CCDC61: variants seen among roughly 807,000 people sequenced by gnomAD.
CCDC61 encodes the protein centrosomal protein CCDC61.
Under a neutral mutation model 63.0 loss-of-function variants are expected in CCDC61, and 55 were observed. The observed-to-expected ratio is 0.87, with a 90% CI of 0.70 to 1.09. The LOEUF (loss-of-function observed/expected upper bound fraction) is 1.09, where lower values mean the gene tolerates loss of function less well. Among genes scored for constraint, CCDC61 ranks in the 50% least tolerant of loss-of-function variants. CCDC61 has a pLI of 0.00. For synonymous variants in CCDC61, 270 were observed against 317.0 expected (o/e 0.85, Z 1.58); for missense variants, 651 against 731.4 (o/e 0.89, Z 1.27).
In CCDC61 at chr19:46,006,529, G is replaced by A. The variant is rs1235552897; in HGVS notation, c.232-30G>A. 12 of 1,471,870 alleles carry A rather than the reference G, an allele frequency of 8.2e-6. No individual in the cohort carries two copies. In the East Asian group the frequency reaches 2.5e-4, roughly 31 times the overall value. 91.2% of individuals were successfully genotyped at this position (1,471,870 alleles called of 1,614,324 possible). A position where few individuals can be genotyped will look rare whatever the true frequency, so the allele number is the denominator to read the frequency against. On this transcript the variant is annotated intron_variant, in intron 3 of 13. Coordinates refer to ENST00000595358, the MANE Select transcript of CCDC61 (RefSeq NM_001267723.2). ...CCTCCGTGTGGCAGTGGCGGGTGCT[G>A]TGGCAGCTCCTCCTCTCCTCTCCTG...
At position 46,015,013 on chromosome 19, in the gene CCDC61, CCT is replaced by C. The variant is rs1268079020; in HGVS notation, c.552-28_552-27del. The C allele has an allele frequency of 4.1e-6, 6 of 1,473,742 alleles. No homozygotes were observed. Among genetic ancestry groups the C allele is most frequent in the Non-Finnish European group, 5.4e-6 (6 of 1,110,644 alleles). The allele number at this position is 1,473,742 out of a possible 1,614,324, so 91.3% of individuals were successfully genotyped here. The stretch of plus-strand genomic sequence containing the variant: ...ATGGAGTAGTGGGAATGGGGCCATG[CCT>C]CTCTCTCCAGCGCTCTCTCCGCGTC... On this transcript the variant is annotated intron_variant, in intron 5 of 13. Transcript: ENST00000595358. The surrounding 1 kb of genome is among the most constrained non-coding windows in gnomAD (Gnocchi z 5.3).
intron 5 of CCDC61, among the ~76,000 whole-genome samples, chr19:46,013,893 C>T (rs1406896850): frequency 1.3e-5 from 2 of 151,674 alleles, no homozygotes; most frequent in Admixed American, 6.6e-5. Flanking sequence ...GATTTCTTTG[C>T]AGTTCTTTTT....
Position 46,016,712 on chromosome 19 carries a change from C to A in CCDC61, c.1110C>A (p.Arg370=), listed in dbSNP as rs763896331. The part of the protein sequence containing the change: ...EIQMKQQQRN[R]LGSGGSGDGP... ...TTCCCAGGCAGCAGCAGCGGAACCG[C>A]TTAGGCAGTGGGGGAAGCGGGGACG... is the stretch of plus-strand genomic sequence containing the variant. Residue 370 remains arginine (R), a synonymous_variant, in exon 10 of 14, where the codon CGC becomes CGA. Coordinates refer to ENST00000595358, the MANE Select transcript of CCDC61 (RefSeq NM_001267723.2). The surrounding 1 kb of genome is among the most constrained non-coding windows in gnomAD (Gnocchi z 7.2). 1.4e-5 allele frequency: 22 copies of A among 1,611,746 alleles called. No homozygotes were observed. In the East Asian group the frequency reaches 4.2e-4, roughly 31 times the overall value.
Position 46,015,476 on chromosome 19 carries a change from G to A in CCDC61, c.845+49G>A, listed in dbSNP as rs766820479. 4.5e-6 allele frequency: 7 copies of A among 1,547,996 alleles called. No individual in the cohort carries two copies. In the Admixed American group the frequency reaches 1.2e-4, roughly 27 times the overall value. On this transcript the variant is annotated intron_variant, in intron 7 of 13. Transcript: ENST00000595358. The surrounding 1 kb of genome is among the most constrained non-coding windows in gnomAD (Gnocchi z 5.3). ...CCTGGGCGGATGGGCGGGCCCTGAG[G>A]GTGTGGAGGCTGATGAGGCGGAGCC...
Position 46,018,520 on chromosome 19 carries a change from C to T in CCDC61, c.*133C>T. ...GTCCCTCCTGCTGCCCCTGGGGTCTCAGGTGTGTGAGGCCCTGACCCTGCC... is the reference window on the plus strand; with the variant it reads ...GTCCCTCCTGCTGCCCCTGGGGTCTTAGGTGTGTGAGGCCCTGACCCTGCC... On this transcript the variant is annotated 3_prime_UTR_variant, in exon 14 of 14. Transcript: ENST00000595358. The surrounding 1 kb of genome is among the most constrained non-coding windows in gnomAD (Gnocchi z 4.2). 1 of 674,178 alleles carries T rather than the reference C, an allele frequency of 1.5e-6. No individual in the cohort carries two copies. The allele number at this position is 674,178 out of a possible 1,614,324, so 41.8% of individuals were successfully genotyped here. A position where few individuals can be genotyped will look rare whatever the true frequency, so the allele number is the denominator to read the frequency against.
At chr19:46,017,187 G>A (rs556774508) in intron 11 of CCDC61, 60 bp from the exon 12 acceptor site, 17 of 1,541,264 alleles carry the variant, frequency 1.1e-5, no homozygotes, top group Non-Finnish European at 1.3e-5. Flanking sequence ...ACAAAGGTCG[G>A]GGAGGTGGGA....
At chr19:45,996,992 C>T (rs1342035054) in intron 1 of CCDC61, among the ~76,000 whole-genome samples, 4 of 152,172 alleles carry the variant, frequency 2.6e-5, no homozygotes, top group Non-Finnish European at 5.9e-5. Context: ...AAAGTCTTCA[C>T]CATATCCACG....
At position 46,016,079 on chromosome 19, in the gene CCDC61, C is replaced by A. The variant is rs1600654879; in HGVS notation, c.871C>A (p.Pro291Thr). The A allele has an allele frequency of 3.2e-6, 4 of 1,234,640 alleles. No individual in the cohort carries two copies. In the East Asian group the frequency reaches 9.5e-5, roughly 29 times the overall value. 76.5% of individuals were successfully genotyped at this position (1,234,640 alleles called of 1,614,324 possible). ...RGRRTPPVQP[P>T]PTREDRASSS... The stretch of plus-strand genomic sequence containing the variant: ...GAGGCGGACTCCGCCGGTGCAGCCG[C>A]CCCCGACGCGGGAGGACCGGGCCTC... Residue 291 changes from proline (P) to threonine (T), a missense_variant, in exon 8 of 14, where the codon CCC becomes ACC. Physicochemically the swap from Pro to Thr is conservative, Grantham distance 38. Transcript: ENST00000595358. The surrounding 1 kb of genome is among the most constrained non-coding windows in gnomAD (Gnocchi z 7.2).
At chr19:46,002,098 C>T (rs976856084) in intron 1 of CCDC61, among the ~76,000 whole-genome samples, 119 of 152,174 alleles carry the variant, frequency 7.8e-4, no homozygotes, top group African/African-American at 2.8e-3. Flanking sequence ...CACGGGGCAC[C>T]ACACCTGGCT....
intron 3 of CCDC61, among the ~76,000 whole-genome samples, chr19:46,004,019 A>G (rs982132456): frequency 3.3e-5 from 5 of 151,636 alleles, no homozygotes; most frequent in Non-Finnish European, 7.4e-5. Context: ...GCTCACTGCA[A>G]CCTCCGCCTC....
intron 5 of CCDC61, 71 bp from the exon 6 acceptor site, chr19:46,014,978 T>C (rs1968895004): frequency 3.7e-6 from 5 of 1,333,542 alleles, no homozygotes; most frequent in South Asian, 2.6e-5. Flanking sequence ...TGATGAGGCG[T>C]CCCACCCCCA....
chr19:46,002,726 T>A (rs1968614949), intron 1 of CCDC61, among the ~76,000 whole-genome samples: 1 of 152,136 alleles, frequency 6.6e-6, no homozygotes, highest in African/African-American at 2.4e-5. Flanking sequence ...TTGGCAATCA[T>A]GAATTTCTAG....
At position 46,018,132 on chromosome 19, in the gene CCDC61, G is replaced by T; in HGVS notation, c.1423G>T (p.Gly475Cys). 1 of 1,608,610 alleles carries T rather than the reference G, an allele frequency of 6.2e-7. No homozygotes were observed. The highest frequency in any genetic ancestry group is 1.1e-5 in the South Asian group (1 of 89,634). Residue 475 changes from glycine to cysteine, a missense_variant, in exon 13 of 14, where the codon GGC becomes TGC. Transcript: ENST00000595358. The surrounding 1 kb of genome is among the most constrained non-coding windows in gnomAD (Gnocchi z 4.2). Reference protein sequence around the residue: ...HHQKSLANSGGWVPIKEYSSE... With the variant: ...HHQKSLANSGCWVPIKEYSSE... ...TCAGAAATCTCTGGCCAACTCCGGG[G>T]GCTGGGTCCCCATCAAAGGTGAGCC... is the stretch of plus-strand genomic sequence containing the variant.
In CCDC61 at chr19:46,008,252, C is replaced by T. The variant is rs755524901; in HGVS notation, c.502C>T (p.Gln168Ter). ...ELGRLQGLDG[Q>*]NTRDTRENEI... The stretch of plus-strand genomic sequence containing the variant: ...GGGCCGCCTGCAAGGGCTGGATGGC[C>T]AGAACACTCGGGACACCCGGGAGAA... Residue 168 changes from glutamine to a stop codon, truncating the protein, a stop_gained, in exon 5 of 14, where the codon CAG becomes TAG. Coordinates refer to ENST00000595358, the MANE Select transcript of CCDC61 (RefSeq NM_001267723.2). LOFTEE classifies it high-confidence loss of function. The T allele has an allele frequency of 2.0e-6, 3 of 1,484,746 alleles. No homozygotes were observed. The African/African-American group carries it at 4.3e-5, about 21-fold the overall frequency. The allele number at this position is 1,484,746 out of a possible 1,614,324, so 92.0% of individuals were successfully genotyped here.
Position 46,016,421 on chromosome 19 carries a change from C to T in CCDC61, c.1091+28C>T. 2 of 1,610,256 alleles carry T rather than the reference C, an allele frequency of 1.2e-6. No individual in the cohort carries two copies. Among genetic ancestry groups the T allele is most frequent in the Non-Finnish European group, 1.7e-6 (2 of 1,177,704 alleles). On this transcript the variant is annotated intron_variant, in intron 9 of 13. Transcript: ENST00000595358. This position sits in a 1 kb window ranked among gnomAD's most constrained non-coding sequence, Gnocchi z 7.2. ...CAGTGCCCCTTCCTCCCTCACCTGC[C>T]CCTGTCCCTGGCCCGTGCCCGCTCC...
At chr19:45,999,983 G>A (rs1048364884) in intron 1 of CCDC61, 1 of 979,910 alleles carries the variant, frequency 1.0e-6, no homozygotes, top group Non-Finnish European at 1.2e-6. Flanking sequence ...GGAACTGGGA[G>A]AGGCTCAGGA....
chr19:46,007,732 G>A (rs377082477), intron 4 of CCDC61, among the ~76,000 whole-genome samples: 4 of 152,320 alleles, frequency 2.6e-5, no homozygotes, highest in East Asian at 1.9e-4. Context: ...TCATGGGGCC[G>A]TTAATCACAA....
At chr19:46,003,999 C>T (rs1023705277) in intron 3 of CCDC61, among the ~76,000 whole-genome samples, 3 of 151,710 alleles carry the variant, frequency 2.0e-5, no homozygotes, top group Non-Finnish European at 4.4e-5. Flanking sequence ...AGTGCAGTGG[C>T]ACCATCTCAG....
intron 5 of CCDC61, among the ~76,000 whole-genome samples, chr19:46,009,908 C>G (rs1401353427): frequency 6.6e-6 from 1 of 151,990 alleles, no homozygotes; most frequent in East Asian, 1.9e-4. Flanking sequence ...TGTGTGTTTC[C>G]CAAGATGGCC....
Sources: allele counts gnomAD v4.1 joint callset (sites outside exome capture counted in the v4.1 genomes callset), GRCh38; gene constraint gnomAD v4.1.1; non-coding constraint Gnocchi (gnomAD v3.1); transcripts MANE v1.5; gene names NCBI Gene and HGNC (gene_info 2026-07-23, HGNC 2026-07-21).